WWOX: variants seen among roughly 807,000 people sequenced by gnomAD.
WWOX encodes the protein WW domain containing oxidoreductase.
Under a neutral mutation model 46.2 loss-of-function variants are expected in WWOX, and 69 were observed. That is an observed-to-expected ratio of 1.49 (90% CI 1.23 to 1.82). The LOEUF is 1.82. WWOX is among the 40% of genes most tolerant of loss of function. The pLI, the probability that WWOX is intolerant of heterozygous loss-of-function variation, is 0.00. For synonymous variants in WWOX, 359 were observed against 202.6 expected (o/e 1.77, Z -6.56); for missense variants, 919 against 542.6 (o/e 1.69, Z -6.89).
chr16:78,710,143 T>C (rs1047076743), intron 8 of WWOX, among the ~76,000 whole-genome samples: 2 of 152,104 alleles, frequency 1.3e-5, no homozygotes, highest in African/African-American at 4.8e-5. Flanking sequence ...CTGCCTCATG[T>C]TGACCTGCTT....
At chr16:78,489,940 T>G (rs1347512494) in intron 8 of WWOX, among the ~76,000 whole-genome samples, 1 of 152,184 alleles carries the variant, frequency 6.6e-6, no homozygotes, top group Non-Finnish European at 1.5e-5. Flanking sequence ...GGGTAAGCTC[T>G]AACAAAGACC....
chr16:78,390,382 T>C (rs140627405), intron 6 of WWOX, among the ~76,000 whole-genome samples: 2 of 152,278 alleles, frequency 1.3e-5, no homozygotes, highest in Non-Finnish European at 2.9e-5. Context: ...GCTCAAAACC[T>C]TGGAGGAAAC....
intron 8 of WWOX, among the ~76,000 whole-genome samples, chr16:78,997,591 G>A (rs192100992): frequency 1.2e-4 from 18 of 152,148 alleles, no homozygotes; most frequent in African/African-American, 3.1e-4. Flanking sequence ...ATTGACGCTC[G>A]TGTCACTGAT....
intron 8 of WWOX, among the ~76,000 whole-genome samples, chr16:78,999,789 T>G (rs969718335): frequency 2.6e-5 from 4 of 152,138 alleles, no homozygotes; most frequent in African/African-American, 9.7e-5. Context: ...ATGGATACAC[T>G]AAAAGTGCAG....
At chr16:78,793,132 A>T (rs1297884248) in intron 8 of WWOX, among the ~76,000 whole-genome samples, 1 of 152,132 alleles carries the variant, frequency 6.6e-6, no homozygotes, top group Admixed American at 6.5e-5. Context: ...GAGTGAAGTG[A>T]TGCAATCTCA....
intron 8 of WWOX, among the ~76,000 whole-genome samples, chr16:78,821,583 C>T (rs1020159898): frequency 2.0e-5 from 3 of 152,172 alleles, no homozygotes; most frequent in African/African-American, 4.8e-5. Context: ...CTCAGATGAC[C>T]TGTGGTATTT....
intron 5 of WWOX, among the ~76,000 whole-genome samples, chr16:78,376,971 T>C (rs1268422853): frequency 1.3e-5 from 2 of 152,240 alleles, no homozygotes; most frequent in African/African-American, 4.8e-5. Context: ...TTAACCACTA[T>C]TGACTTGCGA....
chr16:79,132,453 G>A (rs1158090794), intron 8 of WWOX, among the ~76,000 whole-genome samples: 1 of 152,134 alleles, frequency 6.6e-6, no homozygotes, highest in Non-Finnish European at 1.5e-5. Flanking sequence ...AGTGTTTCGT[G>A]ATTAAAATAA....
intron 8 of WWOX, among the ~76,000 whole-genome samples, chr16:78,781,100 C>A (rs983316909): frequency 1.3e-5 from 2 of 152,098 alleles, no homozygotes; most frequent in African/African-American, 4.8e-5. Context: ...CTTTCTAGAG[C>A]CAAACAAATG....
chr16:78,759,620 AG>A (rs2049741464), intron 8 of WWOX, among the ~76,000 whole-genome samples: 1 of 152,176 alleles, frequency 6.6e-6, no homozygotes, highest in Non-Finnish European at 1.5e-5. Flanking sequence ...ATGGCAACAC[AG>A]GGATGTTAAA....
At chr16:79,141,414 C>A (rs2050086795) in intron 8 of WWOX, among the ~76,000 whole-genome samples, 1 of 152,218 alleles carries the variant, frequency 6.6e-6, no homozygotes, top group African/African-American at 2.4e-5. Context: ...AGGTGCACAT[C>A]CTCAACCTTG....
intron 5 of WWOX, among the ~76,000 whole-genome samples, chr16:78,314,898 C>T (rs1156419438): frequency 6.6e-6 from 1 of 151,872 alleles, no homozygotes; most frequent in Non-Finnish European, 1.5e-5. Context: ...TTTCCAGCAA[C>T]CTTCCCTCAC....
At chr16:78,203,189 G>A (rs531115943) in intron 5 of WWOX, among the ~76,000 whole-genome samples, 1 of 152,092 alleles carries the variant, frequency 6.6e-6, no homozygotes, top group East Asian at 1.9e-4. Context: ...GCCTGGCGGA[G>A]TTCATTTAAC....
chr16:78,688,186 G>T (rs1020166131), intron 8 of WWOX, among the ~76,000 whole-genome samples: 1 of 151,706 alleles, frequency 6.6e-6, no homozygotes, highest in African/African-American at 2.4e-5. Context: ...AGGCCTTATT[G>T]TGTAGATAAA....
intron 8 of WWOX, among the ~76,000 whole-genome samples, chr16:78,847,096 A>G (rs2151175754): frequency 6.6e-6 from 1 of 152,284 alleles, no homozygotes; most frequent in South Asian, 2.1e-4. Flanking sequence ...AAGAGGCTTT[A>G]CACTGTCATC....
intron 8 of WWOX, among the ~76,000 whole-genome samples, chr16:79,015,744 T>A (rs1446247558): frequency 6.6e-6 from 1 of 152,216 alleles, no homozygotes. Context: ...GATTTATTTT[T>A]ATTTTAATTA....
chr16:78,524,397 T>C (rs1352839058), intron 8 of WWOX, among the ~76,000 whole-genome samples: 1 of 123,068 alleles, frequency 8.1e-6, no homozygotes, highest in Non-Finnish European at 1.8e-5. Flanking sequence ...CATTTATTTA[T>C]TTATTTATTT....
chr16:78,109,976 T>A (rs1327745674), intron 3 of WWOX, 141 bp downstream of exon 3: 3 of 878,660 alleles, frequency 3.4e-6, no homozygotes, highest in Non-Finnish European at 5.5e-6. Flanking sequence ...GTGACTACTT[T>A]TAACATCGCT....
intron 8 of WWOX, among the ~76,000 whole-genome samples, chr16:79,077,041 A>G (rs988219145): frequency 6.6e-6 from 1 of 152,144 alleles, no homozygotes; most frequent in African/African-American, 2.4e-5. Context: ...GCCGATCATC[A>G]ATTCCCTAAG....
Sources: allele counts gnomAD v4.1 joint callset (sites outside exome capture counted in the v4.1 genomes callset), GRCh38; gene constraint gnomAD v4.1.1; transcripts MANE v1.5; gene names NCBI Gene and HGNC (gene_info 2026-07-23, HGNC 2026-07-21).